Variants in BTBD2 observed in about 807,000 individuals in gnomAD.
BTBD2 encodes BTB domain containing 2, also known as BTB/POZ domain-containing protein 2.
A neutral mutation model predicts 44.0 loss-of-function variants in BTBD2; 15 were observed. The observed-to-expected ratio is 0.34, with a 90% confidence interval of 0.23 to 0.53. The LOEUF (loss-of-function observed/expected upper bound fraction) is 0.53, where lower values mean the gene tolerates loss of function less well. Ranked by LOEUF, BTBD2 falls within the 20% of genes least tolerant of loss-of-function variation. The probability of loss-of-function intolerance (pLI) is 0.95; values close to 1 mark genes in which losing one functional copy is unlikely to be tolerated. For synonymous variants in BTBD2, 443 were observed against 335.9 expected (o/e 1.32, Z -3.49); for missense variants, 657 against 746.4 (o/e 0.88, Z 1.39).
chr19:2,005,276 T>C (rs2016381240), intron 1 of BTBD2, among the ~76,000 whole-genome samples: 1 of 152,126 alleles, frequency 6.6e-6, no homozygotes, highest in Non-Finnish European at 1.5e-5. Flanking sequence ...CAGATTCTCC[T>C]TCTCCTGGAT....
In BTBD2 at chr19:2,013,485, G is replaced by A; in HGVS notation, c.407+1812C>T. 3 of 985,228 alleles carry A rather than the reference G, an allele frequency of 3.0e-6. No individual in the cohort carries two copies. In the African/African-American group the frequency reaches 5.2e-5, roughly 17 times the overall value. The allele number at this position is 985,228 out of a possible 1,614,324, so 61.0% of individuals were successfully genotyped here. On this transcript the variant is annotated intron_variant, in intron 1 of 8. Transcript: ENST00000255608. Reference sequence around the variant, plus strand: ...AGTCTGGGCAGGGGTCTAGGGTGGTGGCCTGGTGGCAGGGGATCATAGGAT... The same window carrying A: ...AGTCTGGGCAGGGGTCTAGGGTGGTAGCCTGGTGGCAGGGGATCATAGGAT...
intron 1 of BTBD2, among the ~76,000 whole-genome samples, chr19:2,011,032 T>C (rs887853959): frequency 2.7e-5 from 4 of 149,634 alleles, no homozygotes; most frequent in African/African-American, 5.1e-5. Context: ...CAGATGTGTC[T>C]GAGTGACCTT....
At chr19:2,014,082 G>C (rs1487469616) in intron 1 of BTBD2, 2 of 151,982 alleles carry the variant, frequency 1.3e-5, no homozygotes, top group African/African-American at 4.9e-5. Flanking sequence ...TGACACACTT[G>C]AGTGTAGTGG....
rs376198116 is a variant in BTBD2, at chr19:1,986,646, G to A, written c.1420C>T (p.Pro474Ser). 160 of 1,613,528 alleles carry A rather than the reference G, an allele frequency of 9.9e-5. No individual in the cohort carries two copies. In the Middle Eastern group the frequency reaches 1.5e-3, roughly 15 times the overall value. ...CCTTTGGTGCCGTAGTGGGAGTCTG[G>A]GCCCTGTAGGGAATAGGGGTACAGT... is the stretch of plus-strand genomic sequence containing the variant. Reference protein sequence around the residue: ...NYTACATLKGPDSHYGTKGLR... With the variant: ...NYTACATLKGSDSHYGTKGLR... The change falls in exon 9 of 9, where the codon CCA becomes TCA. Residue 474 changes from proline (P) to serine (S), a missense_variant. This residue lies in a region of BTBD2 where 449 missense variants were observed against 510.9 expected (regional missense o/e 0.88). Coordinates refer to ENST00000255608, the MANE Select transcript of BTBD2 (RefSeq NM_017797.4).
At chr19:1,991,263 C>T (rs1386355359) in intron 3 of BTBD2, 2 of 168,592 alleles carry the variant, frequency 1.2e-5, no homozygotes, top group Non-Finnish European at 2.6e-5. Flanking sequence ...GTGTCCCCGG[C>T]AGCTCCATCC....
At position 2,015,377 on chromosome 19, in the gene BTBD2, G is replaced by A. The variant is rs1166778458; in HGVS notation, c.327C>T (p.Phe109=). 4 of 1,584,454 alleles carry A rather than the reference G, an allele frequency of 2.5e-6. No individual in the cohort carries two copies. Among genetic ancestry groups the A allele is most frequent in the Non-Finnish European group, 1.7e-6 (2 of 1,172,674 alleles). ...CGCACAGCACCTCGTTGTTGAAGAG[G>A]AAGGCGAAGCGCTCCTGCACGGTGG... ...SKPTVQERFA[F]LFNNEVLCDV... is the part of the protein sequence containing the mutation. Residue 109 remains phenylalanine, a synonymous_variant, in exon 1 of 9, where the codon TTC becomes TTT. Coordinates refer to ENST00000255608, the MANE Select transcript of BTBD2 (RefSeq NM_017797.4).
rs1568212426 is a variant in BTBD2 at position 1,985,492 on chromosome 19, TG to T, written c.*995del. ...TATTTAAAAAAATCATCTGGGGGCA[TG>T]GTCTGAGGAGGACACCCCTCCCATG... On this transcript the variant is annotated 3_prime_UTR_variant, in exon 9 of 9. Coordinates refer to ENST00000255608, the MANE Select transcript of BTBD2 (RefSeq NM_017797.4). The T allele has an allele frequency of 6.6e-6, 1 of 151,856 alleles. No homozygotes were observed. Among genetic ancestry groups the T allele is most frequent in the Non-Finnish European group, 1.5e-5 (1 of 67,962 alleles). 9.4% of individuals were successfully genotyped at this position (151,856 alleles called of 1,614,324 possible). A position where few individuals can be genotyped will look rare whatever the true frequency, so the allele number is the denominator to read the frequency against.
chr19:2,012,922 C>T (rs1300340605), intron 1 of BTBD2, among the ~76,000 whole-genome samples: 2 of 152,182 alleles, frequency 1.3e-5, no homozygotes, highest in Non-Finnish European at 2.9e-5. Flanking sequence ...GGGTGAGTTC[C>T]AGCTGCATCC....
At chr19:2,004,969 A>G (rs547271610) in intron 1 of BTBD2, among the ~76,000 whole-genome samples, 18 of 151,800 alleles carry the variant, frequency 1.2e-4, no homozygotes, top group African/African-American at 3.9e-4. Context: ...ACAGGCGCCC[A>G]CCACCACGCC....
intron 2 of BTBD2, among the ~76,000 whole-genome samples, chr19:1,995,118 C>T (rs960227168): frequency 6.6e-6 from 1 of 151,984 alleles, no homozygotes; most frequent in South Asian, 2.1e-4. Flanking sequence ...CAGGTGCCTG[C>T]TACCATGCCC....
chr19:2,003,425 G>A (rs1301990847), intron 1 of BTBD2: 1 of 151,664 alleles, frequency 6.6e-6, no homozygotes, highest in Non-Finnish European at 1.5e-5. Flanking sequence ...AGTGAGCCAA[G>A]ATTGCATCAC....
At chr19:2,012,102 C>A (rs148353248) in intron 1 of BTBD2, among the ~76,000 whole-genome samples, 234 of 152,088 alleles carry the variant, frequency 1.5e-3, no homozygotes, top group Non-Finnish European at 2.6e-3. Flanking sequence ...GATTCGCCCG[C>A]CTCGGCCTCC....
Position 1,986,909 on chromosome 19 carries a change from G to T in BTBD2, c.1337C>A (p.Ala446Asp). Residue 446 changes from alanine (A) to aspartate (D), a missense_variant, in exon 8 of 9, where the codon GCC becomes GAC. Coordinates refer to ENST00000255608, the MANE Select transcript of BTBD2 (RefSeq NM_017797.4). ...NDTGFSCDGS[A>D]STFRVMFKEP... ...CTTGAACATGACGCGGAAGGTGCTG[G>T]CTGAGCCGTCGCAGCTGAAGCCCGT... The T allele has an allele frequency of 6.2e-7, 1 of 1,613,254 alleles. No individual in the cohort carries two copies. The highest frequency in any genetic ancestry group is 8.5e-7 in the Non-Finnish European group (1 of 1,179,836).
intron 1 of BTBD2, among the ~76,000 whole-genome samples, chr19:2,005,066 T>C (rs1460401921): frequency 1.3e-5 from 2 of 151,678 alleles, no homozygotes; most frequent in Non-Finnish European, 2.9e-5. Context: ...GTGATCTGCC[T>C]GTCTCGGCCT....
chr19:2,000,103 T>G (rs1416796027), intron 1 of BTBD2, among the ~76,000 whole-genome samples: 1 of 152,194 alleles, frequency 6.6e-6, no homozygotes, highest in Non-Finnish European at 1.5e-5. Context: ...GGATCCTCCC[T>G]TGAGCCTCCA....
chr19:2,011,498 C>T (rs1405293692), intron 1 of BTBD2, among the ~76,000 whole-genome samples: 2 of 152,156 alleles, frequency 1.3e-5, no homozygotes. Flanking sequence ...TCTGGGCCTT[C>T]CATCCCTGAG....
chr19:1,986,217 C>A lies in BTBD2; in HGVS notation c.*271G>T, dbSNP rs1057253825. 3 of 462,824 alleles carry A rather than the reference C, an allele frequency of 6.5e-6. No individual in the cohort carries two copies. The highest frequency in any genetic ancestry group is 3.3e-5 in the South Asian group (1 of 30,538). The allele number at this position is 462,824 out of a possible 1,614,324, so 28.7% of individuals were successfully genotyped here. On this transcript the variant is annotated 3_prime_UTR_variant, in exon 9 of 9. Transcript: ENST00000255608. ...CGGGTCCGTGGGCCCTGGCCCAGGC[C>A]GGCACAGCCCTGTCCCTAGTCCTGA...
intron 2 of BTBD2, among the ~76,000 whole-genome samples, chr19:1,996,051 T>C (rs2016247499): frequency 6.6e-6 from 1 of 151,746 alleles, no homozygotes; most frequent in South Asian, 2.1e-4. Context: ...CCTGTGCTAT[T>C]TGTTAAACTC....
At chr19:2,009,239 C>T (rs920877064) in intron 1 of BTBD2, among the ~76,000 whole-genome samples, 1 of 151,494 alleles carries the variant, frequency 6.6e-6, no homozygotes, top group East Asian at 2.0e-4. Flanking sequence ...CAGTCTGTCA[C>T]CCAGGTTGGA....
Sources: allele counts gnomAD v4.1 joint callset (sites outside exome capture counted in the v4.1 genomes callset), GRCh38; gene constraint gnomAD v4.1.1; regional missense constraint gnomAD v4.1.1; transcripts MANE v1.5; gene names NCBI Gene and HGNC (gene_info 2026-07-23, HGNC 2026-07-21).